Variants in TRIO observed in about 807,000 individuals in gnomAD.
TRIO encodes trio Rho guanine nucleotide exchange factor.
Under a neutral mutation model 351.9 loss-of-function variants are expected in TRIO, and 58 were observed. That is an observed-to-expected ratio of 0.16 (90% CI 0.13 to 0.21). The LOEUF is 0.21. Among genes scored for constraint, TRIO ranks in the 10% least tolerant of loss-of-function variants. TRIO has a pLI of 1.00. For missense variants in TRIO, 3,201 were observed against 4,027.8 expected (o/e 0.79, Z 5.56); for synonymous variants, 1,758 against 1,595.7 (o/e 1.10, Z -2.42).
intron 4 of TRIO, among the ~76,000 whole-genome samples, chr5:14,289,014 G>A (rs1736683611): frequency 1.3e-5 from 2 of 152,160 alleles, no homozygotes; most frequent in Admixed American, 6.5e-5. Flanking sequence ...TTCTAAGGGA[G>A]GAGGACTGCT....
At chr5:14,263,712 G>T (rs1378098532) in intron 1 of TRIO, among the ~76,000 whole-genome samples, 2 of 152,128 alleles carry the variant, frequency 1.3e-5, no homozygotes, top group African/African-American at 4.8e-5. Context: ...TTTGGGGCAG[G>T]ACAGCATCAC....
chr5:14,425,585 A>G (rs971756946), intron 34 of TRIO, among the ~76,000 whole-genome samples: 6 of 152,110 alleles, frequency 3.9e-5, no homozygotes, highest in African/African-American at 1.4e-4. Flanking sequence ...AATGCAATTG[A>G]TGGATCATAT....
intron 1 of TRIO, among the ~76,000 whole-genome samples, chr5:14,193,735 TC>T (rs1472971791): frequency 6.6e-6 from 1 of 152,200 alleles, no homozygotes; most frequent in African/African-American, 2.4e-5. Context: ...ATTGAACACT[TC>T]CTTTGATTAT....
rs536309717 is a variant in TRIO, at chr5:14,334,537, T to C, written c.1855-1999T>C. On this transcript the variant is annotated intron_variant, in intron 10 of 56. Coordinates refer to ENST00000344204, the MANE Select transcript of TRIO (RefSeq NM_007118.4). ...GGCTGTTGGGAGGCTCTGTCATCTT[T>C]AGATCCACTTACCAAATATGAGAAG... 2.0e-5 allele frequency among the ~76,000 whole-genome samples: 3 copies of C among 152,360 alleles called. No individual in the cohort carries two copies. The East Asian group carries it at 5.8e-4, about 29-fold the overall frequency.
intron 31 of TRIO, among the ~76,000 whole-genome samples, chr5:14,403,385 GTGAGGGTGTAGGTTGTGA>G (rs1561447806): frequency 6.1e-5 from 6 of 98,622 alleles, no homozygotes; most frequent in East Asian, 2.4e-4. Context: ...GGTGTAGGTT[GTGAGGGTGTAGGTTGTGA>G]TGAGGGTGTA....
rs555254563 is a variant in TRIO, at chr5:14,417,179, T to C, written c.4960-2599T>C. On this transcript the variant is annotated intron_variant, in intron 33 of 56. Coordinates refer to ENST00000344204, the MANE Select transcript of TRIO (RefSeq NM_007118.4). The stretch of plus-strand genomic sequence containing the variant: ...AGCTTTTAACATTAGCATCTTTGAC[T>C]GTTCAGAGACCTGAAAAATTTAACA... Among the ~76,000 whole-genome samples the C allele has an allele frequency of 3.9e-5, 6 of 152,324 alleles. No homozygotes were observed. In the East Asian group the frequency reaches 9.6e-4, roughly 24 times the overall value.
intron 9 of TRIO, among the ~76,000 whole-genome samples, chr5:14,326,761 G>GT (rs1378852359): frequency 6.6e-6 from 1 of 152,186 alleles, no homozygotes; most frequent in East Asian, 1.9e-4. Flanking sequence ...ATCTTAGTAT[G>GT]TTTTAAATGG....
intron 18 of TRIO, among the ~76,000 whole-genome samples, chr5:14,371,380 T>A (rs1032253514): frequency 6.6e-6 from 1 of 152,186 alleles, no homozygotes; most frequent in African/African-American, 2.4e-5. Context: ...TTTGAAGATA[T>A]GTACAAAAGG....
rs145947416 is a variant in TRIO at position 14,277,734 on chromosome 5, A to C, written c.233-2588A>C. Among the ~76,000 whole-genome samples, 289 of 152,352 alleles carry C rather than the reference A, an allele frequency of 1.9e-3. 4 individuals are homozygous for C. Among genetic ancestry groups the C allele is most frequent in the Admixed American group, 0.017 (256 of 15,308 alleles). On this transcript the variant is annotated intron_variant, in intron 2 of 56. Coordinates refer to ENST00000344204, the MANE Select transcript of TRIO (RefSeq NM_007118.4). ...TTCCTGTGATGTTGGAAACCAACCT[A>C]AATCTTGGGGAATAGAATTAAACAG...
In TRIO at chr5:14,485,052, G is replaced by A. The variant is rs542488086; in HGVS notation, c.6658-17G>A. 25 of 1,348,832 alleles carry A rather than the reference G, an allele frequency of 1.9e-5. No homozygotes were observed. Among genetic ancestry groups the A allele is most frequent in the Non-Finnish European group, 2.4e-5 (24 of 1,000,532 alleles). 83.6% of individuals were successfully genotyped at this position (1,348,832 alleles called of 1,614,324 possible). On this transcript the variant is annotated splice_polypyrimidine_tract_variant and intron_variant, in intron 46 of 56. Coordinates refer to ENST00000344204, the MANE Select transcript of TRIO (RefSeq NM_007118.4). Reference sequence around the variant, plus strand: ...CCACCTGTTAGCTATTATGAATAATGTTTTTTTTTTTTTAAGGTGAGTTGC... The same window carrying A: ...CCACCTGTTAGCTATTATGAATAATATTTTTTTTTTTTTAAGGTGAGTTGC...
intron 1 of TRIO, among the ~76,000 whole-genome samples, chr5:14,176,920 C>G (rs1384858629): frequency 6.6e-6 from 1 of 152,172 alleles, no homozygotes; most frequent in Non-Finnish European, 1.5e-5. Context: ...ATTTTATGCA[C>G]ATATTACAGG....
intron 5 of TRIO, 24 bp from the exon 6 acceptor site, chr5:14,292,988 G>T (rs369343502): frequency 1.2e-6 from 2 of 1,613,800 alleles, no homozygotes; most frequent in Non-Finnish European, 1.7e-6. Flanking sequence ...GAGTGATTGC[G>T]GGTTGTCTTT....
intron 21 of TRIO, among the ~76,000 whole-genome samples, chr5:14,385,605 G>A (rs1409990556): frequency 6.6e-6 from 1 of 152,238 alleles, no homozygotes; most frequent in African/African-American, 2.4e-5. Flanking sequence ...TGTCTCTGAA[G>A]TGATAGCAAG....
At chr5:14,317,865 G>A (rs1739505916) in intron 9 of TRIO, among the ~76,000 whole-genome samples, 3 of 152,004 alleles carry the variant, frequency 2.0e-5, no homozygotes, top group South Asian at 2.1e-4. Flanking sequence ...GGTAGCTCAC[G>A]CCTGTAATCC....
rs769879501 is a variant in TRIO at position 14,290,720 on chromosome 5, A to C, written c.545A>C (p.Asn182Thr). The change falls in exon 5 of 57, where the codon AAT becomes ACT. Residue 182 changes from asparagine to threonine, a missense_variant. This residue lies in a region of TRIO where 15 missense variants were observed against 16.4 expected (regional missense o/e 0.91). Coordinates refer to ENST00000344204, the MANE Select transcript of TRIO (RefSeq NM_007118.4). Reference sequence around the variant, plus strand: ...CGTGATTTTTTTTCCCTTAAGACAAATATGGTCTCTTTAGAAGGCCTTACC... The same window carrying C: ...CGTGATTTTTTTTCCCTTAAGACAACTATGGTCTCTTTAGAAGGCCTTACC... ...FGSSKFEFET[N>T]MVSLEGLTKV... 1 of 1,599,560 alleles carries C rather than the reference A, an allele frequency of 6.3e-7. No homozygotes were observed. Among genetic ancestry groups the C allele is most frequent in the South Asian group, 1.1e-5 (1 of 89,628 alleles).
intron 13 of TRIO, among the ~76,000 whole-genome samples, chr5:14,362,470 A>G (rs1744233830): frequency 6.6e-6 from 1 of 152,170 alleles, no homozygotes; most frequent in Non-Finnish European, 1.5e-5. Context: ...TTCTTAATCT[A>G]GAATTGTCTC....
chr5:14,331,631 C>T lies in TRIO; in HGVS notation c.1854+731C>T, dbSNP rs957719870. ...GAACCTCATGTTTAGGTGGTGGAAG[C>T]GAGTCATACAGTGTAACTTCTGCAG... On this transcript the variant is annotated intron_variant, in intron 10 of 56. Coordinates refer to ENST00000344204, the MANE Select transcript of TRIO (RefSeq NM_007118.4). 2.6e-4 allele frequency among the ~76,000 whole-genome samples: 39 copies of T among 152,230 alleles called. 1 individual carries two copies. The highest frequency in any genetic ancestry group is 3.4e-3 in the Middle Eastern group (1 of 294).
At chr5:14,251,249 G>A (rs770198456) in intron 1 of TRIO, among the ~76,000 whole-genome samples, 2 of 152,182 alleles carry the variant, frequency 1.3e-5, no homozygotes, top group Non-Finnish European at 2.9e-5. Flanking sequence ...TGTCTTGATT[G>A]TATTAGTAGA....
intron 29 of TRIO, among the ~76,000 whole-genome samples, 165 bp from the exon 30 acceptor site, chr5:14,398,715 T>A (rs149479138): frequency 6.6e-6 from 1 of 152,318 alleles, no homozygotes; most frequent in African/African-American, 2.4e-5. Flanking sequence ...AATTATCCTC[T>A]GTAGGATGGG....
Sources: gnomAD v4.1 joint callset for allele counts (sites outside exome capture counted in the v4.1 genomes callset) on GRCh38, gnomAD v4.1.1 for gene constraint, gnomAD v4.1.1 regional missense constraint, MANE v1.5 for transcripts, NCBI Gene and HGNC (gene_info 2026-07-23, HGNC 2026-07-21) for gene names.